ACTN4: variants seen among roughly 807,000 people sequenced by gnomAD.
The protein encoded by ACTN4 is actinin alpha 4.
A neutral mutation model predicts 114.2 loss-of-function variants in ACTN4; 18 were observed. The observed-to-expected ratio is 0.16, with a 90% CI of 0.11 to 0.23. ACTN4 has a LOEUF of 0.23. Ranked by LOEUF, ACTN4 falls within the 10% of genes least tolerant of loss-of-function variation. The probability of loss-of-function intolerance (pLI) is 1.00; values close to 1 mark genes in which losing one functional copy is unlikely to be tolerated. For missense variants in ACTN4, 722 were observed against 1,262.9 expected, an observed-to-expected ratio of 0.57 and a Z score of 6.49; for synonymous variants, 515 against 506.3, an observed-to-expected ratio of 1.02 and a Z score of -0.23.
chr19:38,709,415 G>C lies in ACTN4; in HGVS notation c.672G>C (p.Leu224=), dbSNP rs775368836. 4 of 1,614,198 alleles carry C rather than the reference G, an allele frequency of 2.5e-6. No individual in the cohort carries two copies. In the South Asian group the frequency reaches 4.4e-5, roughly 18 times the overall value. Residue 224 remains leucine (L), a synonymous_variant, in exon 7 of 21, where the codon CTG becomes CTC. Transcript: ENST00000252699. ...TCTAGGACGACCCTGTCACCAACCT[G>C]AACAATGCCTTCGAAGTGGCTGAGA... ...KLRKDDPVTN[L]NNAFEVAEKY...
rs368574649 is a variant in ACTN4, at chr19:38,670,545, G to A, written c.162+22638G>A. Reference sequence around the variant, plus strand: ...TGGGGACTGGGGTGGCCACTGCAGAGCTCTAGCTGATGGTGGCCAGGTGGG... The same window carrying A: ...TGGGGACTGGGGTGGCCACTGCAGAACTCTAGCTGATGGTGGCCAGGTGGG... On this transcript the variant is annotated intron_variant, in intron 1 of 20. Coordinates refer to ENST00000252699, the MANE Select transcript of ACTN4 (RefSeq NM_004924.6). Among the ~76,000 whole-genome samples the A allele has an allele frequency of 6.7e-4, 102 of 152,272 alleles. 4 individuals are homozygous for A. The South Asian group carries it at 0.021, about 31-fold the overall frequency.
Position 38,727,052 on chromosome 19 carries a change from C to T in ACTN4, c.2286C>T (p.Ile762=), listed in dbSNP as rs747272546. ...NQILTRDAKG[I]SQEQMQEFRA... Reference sequence around the variant, plus strand: ...TCCTCACCCGCGACGCCAAGGGCATCAGCCAGGAGCAGATGCAGGAGTTCC... The same window carrying T: ...TCCTCACCCGCGACGCCAAGGGCATTAGCCAGGAGCAGATGCAGGAGTTCC... Residue 762 remains isoleucine (I), a synonymous_variant, in exon 18 of 21, where the codon ATC becomes ATT. Coordinates refer to ENST00000252699, the MANE Select transcript of ACTN4 (RefSeq NM_004924.6). This position sits in a 1 kb window ranked among gnomAD's most constrained non-coding sequence, Gnocchi z 5.4. 2 of 1,614,166 alleles carry T rather than the reference C, an allele frequency of 1.2e-6. No individual in the cohort carries two copies. Among genetic ancestry groups the T allele is most frequent in the Non-Finnish European group, 1.7e-6 (2 of 1,180,020 alleles).
intron 1 of ACTN4, among the ~76,000 whole-genome samples, chr19:38,674,144 G>T (rs916456018): frequency 1.3e-5 from 2 of 152,084 alleles, no homozygotes; most frequent in Non-Finnish European, 2.9e-5. Flanking sequence ...ACTTGCAATA[G>T]ATTGTGTGGG....
chr19:38,664,423 C>T (rs962620851), intron 1 of ACTN4, among the ~76,000 whole-genome samples: 1 of 152,118 alleles, frequency 6.6e-6, no homozygotes, highest in African/African-American at 2.4e-5. Flanking sequence ...AGGGTAGCGG[C>T]GCTTGCCTCT....
rs376084358 is a variant in ACTN4, at chr19:38,710,348, G to A, written c.819+6G>A. On this transcript the variant is annotated splice_donor_region_variant and intron_variant, in intron 8 of 20. Transcript: ENST00000252699. ...CCTTTTCAGGAGCGCAGAAGGTACC[G>A]AGCAGGGCCAGGCAGGCCCTCCTCG... is the stretch of plus-strand genomic sequence containing the variant. The A allele has an allele frequency of 2.8e-5, 45 of 1,613,098 alleles. No homozygotes were observed. Among genetic ancestry groups the A allele is most frequent in the South Asian group, 5.5e-5 (5 of 91,086 alleles).
chr19:38,669,133 C>T (rs1281616604), intron 1 of ACTN4, among the ~76,000 whole-genome samples: 1 of 152,160 alleles, frequency 6.6e-6, no homozygotes, highest in Admixed American at 6.5e-5. Flanking sequence ...ATTACAGACG[C>T]CTGCCACCGT....
intron 1 of ACTN4, among the ~76,000 whole-genome samples, chr19:38,695,540 T>G (rs1469804934): frequency 6.6e-6 from 1 of 152,160 alleles, no homozygotes; most frequent in Non-Finnish European, 1.5e-5. Context: ...TCACCCTGCT[T>G]TATTCCTGGC....
At chr19:38,715,348 T>C (rs1568734973) in intron 9 of ACTN4, among the ~76,000 whole-genome samples, 1 of 152,036 alleles carries the variant, frequency 6.6e-6, no homozygotes, top group East Asian at 1.9e-4. Flanking sequence ...AATACAAAAA[T>C]TAGCCGGGTG....
intron 1 of ACTN4, among the ~76,000 whole-genome samples, chr19:38,660,671 C>G (rs548797515): frequency 6.6e-6 from 1 of 152,214 alleles, no homozygotes; most frequent in Non-Finnish European, 1.5e-5. Context: ...GCTGGGATTA[C>G]AGGCGCGAGC....
chr19:38,705,134 C>T, intron 4 of ACTN4, 114 bp downstream of exon 4: 2 of 1,022,164 alleles, frequency 2.0e-6, no homozygotes, highest in South Asian at 2.6e-5. Context: ...GGGTCACTCA[C>T]AGGGCCTGGC....
At chr19:38,670,049 G>T (rs1029541286) in intron 1 of ACTN4, among the ~76,000 whole-genome samples, 1 of 152,166 alleles carries the variant, frequency 6.6e-6, no homozygotes, top group East Asian at 1.9e-4. Flanking sequence ...GTTCCTCAGG[G>T]GTCCCCAGAG....
At position 38,727,066 on chromosome 19, in the gene ACTN4, T is replaced by A; in HGVS notation, c.2300T>A (p.Met767Lys). 1 of 1,614,140 alleles carries A rather than the reference T, an allele frequency of 6.2e-7. No individual in the cohort carries two copies. The highest frequency in any genetic ancestry group is 8.5e-7 in the Non-Finnish European group (1 of 1,180,026). ...GCCAAGGGCATCAGCCAGGAGCAGA[T>A]GCAGGAGTTCCGGGCGTCCTTCAAC... ...RDAKGISQEQ[M>K]QEFRASFNHF... The change falls in exon 18 of 21, where the codon ATG (methionine) becomes AAG (lysine). Residue 767 changes from methionine to lysine, a missense_variant. This residue lies in a region of ACTN4 where 523 missense variants were observed against 875.9 expected (regional missense o/e 0.60). Transcript: ENST00000252699. This position sits in a 1 kb window ranked among gnomAD's most constrained non-coding sequence, Gnocchi z 5.4.
At chr19:38,680,218 T>TTTTG (rs1967516488) in intron 1 of ACTN4, among the ~76,000 whole-genome samples, 1 of 23,806 alleles carries the variant, frequency 4.2e-5, no homozygotes, top group African/African-American at 7.8e-5. Context: ...GGAAGTTTTT[T>TTTTG]TTTTTTTTTT....
intron 12 of ACTN4, chr19:38,721,906 G>T: frequency 1.4e-6 from 1 of 693,628 alleles, no homozygotes; most frequent in South Asian, 1.6e-5. Flanking sequence ...GAAGGATTTG[G>T]ATTCTCTAGC....
At chr19:38,725,547 G>T (rs1969202739) in intron 16 of ACTN4, among the ~76,000 whole-genome samples, 177 bp from the exon 17 acceptor site, 1 of 152,236 alleles carries the variant, frequency 6.6e-6, no homozygotes, top group East Asian at 1.9e-4. Flanking sequence ...GAGAGGGCAG[G>T]ACCGGAGGGG....
rs1179104529 is a variant in ACTN4 at position 38,730,889 on chromosome 19, G to A, written c.*1457G>A. On this transcript the variant is annotated 3_prime_UTR_variant, in exon 21 of 21. Transcript: ENST00000252699. Reference sequence around the variant, plus strand: ...GGCCACCTCCATCCACTAAGGAAGAGAAGGAAGACAGTGGCTTGAGGCAGG... The same window carrying A: ...GGCCACCTCCATCCACTAAGGAAGAAAAGGAAGACAGTGGCTTGAGGCAGG... 6.4e-6 allele frequency: 10 copies of A among 1,551,630 alleles called. No individual in the cohort carries two copies. The highest frequency in any genetic ancestry group is 2.0e-5 in the Admixed American group (1 of 51,046).
In ACTN4 at chr19:38,710,306, G is replaced by T. The variant is rs761682086; in HGVS notation, c.783G>T (p.Val261=). 3.7e-6 allele frequency: 6 copies of T among 1,614,084 alleles called. No individual in the cohort carries two copies. Among genetic ancestry groups the T allele is most frequent in the Non-Finnish European group, 5.1e-6 (6 of 1,180,016 alleles). The change falls in exon 8 of 21, where the codon GTG becomes GTT. Residue 261 remains valine (V), a synonymous_variant. Transcript: ENST00000252699. ...ACGAGAAGGCCATAATGACCTATGT[G>T]TCCAGCTTCTACCATGCCTTTTCAG... ...RPDEKAIMTY[V]SSFYHAFSGA...
intron 1 of ACTN4, among the ~76,000 whole-genome samples, chr19:38,659,571 G>A (rs1247193749): frequency 6.6e-6 from 1 of 152,182 alleles, no homozygotes; most frequent in Non-Finnish European, 1.5e-5. Context: ...AAGACTCACA[G>A]CGCACCGAGT....
rs185276756 is a variant in ACTN4, at chr19:38,684,666, G to A, written c.163-15934G>A. Reference sequence around the variant, plus strand: ...CAGATGTTTCACCATTTTTAATGGAGCAATTATGAGTCAGAGGTTTCAGTC... The same window carrying A: ...CAGATGTTTCACCATTTTTAATGGAACAATTATGAGTCAGAGGTTTCAGTC... On this transcript the variant is annotated intron_variant, in intron 1 of 20. Transcript: ENST00000252699. Among the ~76,000 whole-genome samples, 695 of 152,322 alleles carry A rather than the reference G, an allele frequency of 4.6e-3. 4 individuals carry two copies. Among genetic ancestry groups the A allele is most frequent in the Admixed American group, 9.8e-3 (150 of 15,296 alleles).
Sources: gnomAD v4.1 joint callset for allele counts (sites outside exome capture counted in the v4.1 genomes callset) on GRCh38, gnomAD v4.1.1 for gene constraint, gnomAD v4.1.1 regional missense constraint, Gnocchi (gnomAD v3.1) non-coding constraint, MANE v1.5 for transcripts, NCBI Gene and HGNC (gene_info 2026-07-23, HGNC 2026-07-21) for gene names.